Variants in ETS2 observed in about 807,000 individuals in gnomAD.
The protein encoded by ETS2 is protein C-ets-2.
ETS2 carries 19 observed loss-of-function variants against 54.9 expected under a neutral mutation model. The ratio of observed to expected loss-of-function variants is 0.35; its 90% CI spans 0.24 to 0.51. The LOEUF is 0.51. ETS2 is among the 20% of genes least tolerant of loss of function. ETS2 has a pLI of 0.97. For synonymous variants in ETS2, 219 were observed against 229.3 expected (o/e 0.95, Z 0.41); for missense variants, 417 against 593.0 (o/e 0.70, Z 3.08).
chr21:38,806,326 G>A lies in ETS2; in HGVS notation c.-1+206G>A. On this transcript the variant is annotated intron_variant, in intron 1 of 9. Coordinates refer to ENST00000360938, the MANE Select transcript of ETS2 (RefSeq NM_005239.6). This position sits in a 1 kb window ranked among gnomAD's most constrained non-coding sequence, Gnocchi z 4.3. Reference sequence around the variant, plus strand: ...CGGCTCGTTTTCCGGTTATGGAGTGGCCTCCGGGGCTGGCGGGGTCGGCCG... The same window carrying A: ...CGGCTCGTTTTCCGGTTATGGAGTGACCTCCGGGGCTGGCGGGGTCGGCCG... The A allele has an allele frequency of 2.1e-6, 2 of 957,384 alleles. No homozygotes were observed. Among genetic ancestry groups the A allele is most frequent in the Non-Finnish European group, 2.5e-6 (2 of 804,418 alleles). 59.3% of individuals were successfully genotyped at this position (957,384 alleles called of 1,614,324 possible).
chr21:38,816,325 G>T (rs909088293), intron 5 of ETS2, among the ~76,000 whole-genome samples: 2 of 151,926 alleles, frequency 1.3e-5, no homozygotes. Flanking sequence ...CATTTTTAAA[G>T]ACCCTCATTT....
Position 38,806,032 on chromosome 21 carries a change from C to T in ETS2, c.-89C>T. ...CTCCCTGATCGTCTCTGGCCGGCGC[C>T]CTCGCCCTCGCCCGGCGCGCACCGA... On this transcript the variant is annotated 5_prime_UTR_variant, in exon 1 of 10. Coordinates refer to ENST00000360938, the MANE Select transcript of ETS2 (RefSeq NM_005239.6). The surrounding 1 kb of genome is among the most constrained non-coding windows in gnomAD (Gnocchi z 4.3). 1 of 1,220,730 alleles carries T rather than the reference C, an allele frequency of 8.2e-7. No individual in the cohort carries two copies. The highest frequency in any genetic ancestry group is 1.0e-6 in the Non-Finnish European group (1 of 959,508). 75.6% of individuals were successfully genotyped at this position (1,220,730 alleles called of 1,614,324 possible).
chr21:38,814,245 A>C lies in ETS2; in HGVS notation c.185-28A>C. The C allele has an allele frequency of 6.2e-7, 1 of 1,611,322 alleles. No homozygotes were observed. The highest frequency in any genetic ancestry group is 8.5e-7 in the Non-Finnish European group (1 of 1,178,420). Reference sequence around the variant, plus strand: ...CCTGATATCACCAACTTGAAGTCCTAATGTCCCCATGGGGGGTTTCCTTCC... The same window carrying C: ...CCTGATATCACCAACTTGAAGTCCTCATGTCCCCATGGGGGGTTTCCTTCC... On this transcript the variant is annotated intron_variant, in intron 3 of 9. Transcript: ENST00000360938. This position sits in a 1 kb window ranked among gnomAD's most constrained non-coding sequence, Gnocchi z 4.2.
At chr21:38,813,737 C>G (rs1217807953) in intron 3 of ETS2, among the ~76,000 whole-genome samples, 2 of 152,244 alleles carry the variant, frequency 1.3e-5, no homozygotes, top group African/African-American at 4.8e-5. Flanking sequence ...AACGCATACA[C>G]TGGCGTAAGC....
rs1315660569 is a variant in ETS2 at position 38,813,122 on chromosome 21, G to T, written c.184+8G>T. On this transcript the variant is annotated splice_region_variant and intron_variant, in intron 3 of 9. Transcript: ENST00000360938. ...TGGATTCCATTTCTCATGGTAATTG[G>T]TTCCTCAGACTTGACAAATTGTGCA... The T allele has an allele frequency of 1.1e-5, 17 of 1,559,596 alleles. No individual in the cohort carries two copies. In the South Asian group the frequency reaches 1.8e-4, roughly 16 times the overall value.
chr21:38,821,686 G>A lies in ETS2; in HGVS notation c.1176G>A (p.Lys392=), dbSNP rs1322122408. 3 of 1,613,348 alleles carry A rather than the reference G, an allele frequency of 1.9e-6. No individual in the cohort carries two copies. Among genetic ancestry groups the A allele is most frequent in the Non-Finnish European group, 2.5e-6 (3 of 1,179,312 alleles). ...ISWTGDGWEF[K]LADPDEVARR... is the part of the protein sequence containing the mutation. ...GGACTGGAGACGGATGGGAGTTTAA[G>A]CTCGCCGACCCCGATGAGGTATGGC... The change falls in exon 9 of 10, where the codon AAG becomes AAA. Residue 392 remains lysine, a synonymous_variant. Coordinates refer to ENST00000360938, the MANE Select transcript of ETS2 (RefSeq NM_005239.6). The surrounding 1 kb of genome is among the most constrained non-coding windows in gnomAD (Gnocchi z 4.2).
intron 1 of ETS2, 98 bp from the exon 2 acceptor site, chr21:38,809,937 C>A: frequency 4.2e-6 from 3 of 712,304 alleles, no homozygotes; most frequent in Non-Finnish European, 6.9e-6. Context: ...TACCTGTTAG[C>A]TGTAGAACTC....
chr21:38,811,690 G>T (rs1230070737), intron 2 of ETS2, among the ~76,000 whole-genome samples: 1 of 152,172 alleles, frequency 6.6e-6, no homozygotes, highest in African/African-American at 2.4e-5. Context: ...TTTCATAAAT[G>T]TTATGTAAGA....
At position 38,822,780 on chromosome 21, in the gene ETS2, C is replaced by T. The variant is rs769911963; in HGVS notation, c.1301C>T (p.Ser434Leu). Residue 434 changes from serine (S) to leucine (L), a missense_variant, in exon 10 of 10, where the codon TCG becomes TTG. Ser to Leu is a moderately radical substitution (Grantham distance 145). Coordinates refer to ENST00000360938, the MANE Select transcript of ETS2 (RefSeq NM_005239.6). ...YYDKNIIHKT[S>L]GKRYVYRFVC... ...GACAAGAACATCATCCACAAGACGT[C>T]GGGGAAGCGCTACGTGTACCGCTTC... 6.2e-7 allele frequency: 1 copy of T among 1,614,206 alleles called. No homozygotes were observed. Among genetic ancestry groups the T allele is most frequent in the Non-Finnish European group, 8.5e-7 (1 of 1,180,036 alleles).
Position 38,806,143 on chromosome 21 carries a change from G to C in ETS2, c.-1+23G>C. 9.9e-7 allele frequency: 1 copy of C among 1,007,758 alleles called. No homozygotes were observed. Among genetic ancestry groups the C allele is most frequent in the Non-Finnish European group, 1.2e-6 (1 of 843,608 alleles). 62.4% of individuals were successfully genotyped at this position (1,007,758 alleles called of 1,614,324 possible). On this transcript the variant is annotated intron_variant, in intron 1 of 9. Coordinates refer to ENST00000360938, the MANE Select transcript of ETS2 (RefSeq NM_005239.6). The surrounding 1 kb of genome is among the most constrained non-coding windows in gnomAD (Gnocchi z 4.3). ...AGGGTAAGAGCTGGGCCCGCAGAGA[G>C]CGCCCGGCGCGCGGCTCCAGTCCCA...
At chr21:38,805,296 C>T (rs914330872), upstream of ETS2, 30 of 1,225,890 alleles carry the variant, frequency 2.4e-5, no homozygotes, top group Non-Finnish European at 3.0e-5. This position sits in a 1 kb window ranked among gnomAD's most constrained non-coding sequence, Gnocchi z 5.2. Context: ...CATTTGGAGC[C>T]TTTTTGTGAT....
In ETS2 at chr21:38,806,688, C is replaced by T. The variant is rs535247693; in HGVS notation, c.-1+568C>T. On this transcript the variant is annotated intron_variant, in intron 1 of 9. Transcript: ENST00000360938. This position sits in a 1 kb window ranked among gnomAD's most constrained non-coding sequence, Gnocchi z 4.3. ...GCCATGGTCACCTGCTCGCCGCGTC[C>T]AGGGCCCGGGCTGGGGACCCCTCGG... 1.7e-5 allele frequency: 17 copies of T among 985,460 alleles called. No homozygotes were observed. In the African/African-American group the frequency reaches 2.8e-4, roughly 16 times the overall value. The allele number at this position is 985,460 out of a possible 1,614,324, so 61.0% of individuals were successfully genotyped here. A position where few individuals can be genotyped will look rare whatever the true frequency, so the allele number is the denominator to read the frequency against.
In ETS2 at chr21:38,823,422, A is replaced by AAAT. The variant is rs1189957453; in HGVS notation, c.*537_*539dup. ...AACAGAAATTGTATATTGTAATTTA[A>AAAT]AATAATTATATAACTGTATTTGAAA... On this transcript the variant is annotated 3_prime_UTR_variant, in exon 10 of 10. Coordinates refer to ENST00000360938, the MANE Select transcript of ETS2 (RefSeq NM_005239.6). 1 of 152,670 alleles carries AAAT rather than the reference A, an allele frequency of 6.6e-6. No individual in the cohort carries two copies. The highest frequency in any genetic ancestry group is 2.4e-5 in the African/African-American group (1 of 41,470). 9.5% of individuals were successfully genotyped at this position (152,670 alleles called of 1,614,324 possible).
At position 38,814,423 on chromosome 21, in the gene ETS2, G is replaced by C. The variant is rs574998289; in HGVS notation, c.304+31G>C. 5 of 1,611,364 alleles carry C rather than the reference G, an allele frequency of 3.1e-6. No homozygotes were observed. The South Asian group carries it at 5.5e-5, about 18-fold the overall frequency. ...TACTGCTTTCCTGAGCCTGCACTGG[G>C]TGAGAAGAACCAACTTCAGTGCAGT... is the stretch of plus-strand genomic sequence containing the variant. On this transcript the variant is annotated intron_variant, in intron 4 of 9. Coordinates refer to ENST00000360938, the MANE Select transcript of ETS2 (RefSeq NM_005239.6). The surrounding 1 kb of genome is among the most constrained non-coding windows in gnomAD (Gnocchi z 4.2).
In ETS2 at chr21:38,814,648, A is replaced by G. The variant is rs761825667; in HGVS notation, c.305-133A>G. 1.4e-5 allele frequency: 12 copies of G among 855,562 alleles called. No homozygotes were observed. The highest frequency in any genetic ancestry group is 2.2e-5 in the Non-Finnish European group (12 of 542,686). 53.0% of individuals were successfully genotyped at this position (855,562 alleles called of 1,614,324 possible). A position where few individuals can be genotyped will look rare whatever the true frequency, so the allele number is the denominator to read the frequency against. ...GGTCGTGTCAGAATGGTGACGTGTCATCATGGTATCTTGCTCATTCGTGGG... is the reference window on the plus strand; with the variant it reads ...GGTCGTGTCAGAATGGTGACGTGTCGTCATGGTATCTTGCTCATTCGTGGG... On this transcript the variant is annotated intron_variant, in intron 4 of 9. Coordinates refer to ENST00000360938, the MANE Select transcript of ETS2 (RefSeq NM_005239.6). The surrounding 1 kb of genome is among the most constrained non-coding windows in gnomAD (Gnocchi z 4.2).
rs1269358590 is a variant in ETS2, at chr21:38,824,816, G to GT, written c.*1930dup. On this transcript the variant is annotated 3_prime_UTR_variant, in exon 10 of 10. Transcript: ENST00000360938. ...GCTGGCTTTTATCTACAAAGAAGGAGTTTCATGGGGTTCAGCCTAACAGTT... is the reference window on the plus strand; with the variant it reads ...GCTGGCTTTTATCTACAAAGAAGGAGTTTTCATGGGGTTCAGCCTAACAGTT... 1 of 152,608 alleles carries GT rather than the reference G, an allele frequency of 6.6e-6. No homozygotes were observed. The highest frequency in any genetic ancestry group is 1.5e-5 in the Non-Finnish European group (1 of 68,040). 9.5% of individuals were successfully genotyped at this position (152,608 alleles called of 1,614,324 possible).
chr21:38,805,707 T>A (rs2123400862), upstream of ETS2: 1 of 1,081,984 alleles, frequency 9.2e-7, no homozygotes, highest in East Asian at 6.5e-5. This position sits in a 1 kb window ranked among gnomAD's most constrained non-coding sequence, Gnocchi z 5.2. Context: ...CTCCTCTCCC[T>A]CCGCTCCCCC....
At position 38,819,724 on chromosome 21, in the gene ETS2, G is replaced by A; in HGVS notation, c.1033G>A (p.Gly345Ser). 1 of 1,613,946 alleles carries A rather than the reference G, an allele frequency of 6.2e-7. No homozygotes were observed. The highest frequency in any genetic ancestry group is 8.5e-7 in the Non-Finnish European group (1 of 1,179,936). Residue 345 changes from glycine to serine, a missense_variant, in exon 8 of 10, where the codon GGC becomes AGC. Transcript: ENST00000360938. ...IQERSDPVEQGKPVIPAAVLA... is the reference protein window; with the variant it reads ...IQERSDPVEQSKPVIPAAVLA... ...AGAGAGGAGTGACCCAGTGGAGCAAGGCAAACCAGTTATACCTGCAGCTGT... is the reference window on the plus strand; with the variant it reads ...AGAGAGGAGTGACCCAGTGGAGCAAAGCAAACCAGTTATACCTGCAGCTGT...
At chr21:38,815,059 T>A in intron 5 of ETS2, 78 bp downstream of exon 5, 2 of 1,440,442 alleles carry the variant, frequency 1.4e-6, no homozygotes, top group Admixed American at 1.7e-5. Context: ...GTCACGTGGG[T>A]GTTCTTCAAC....
Sources: gnomAD v4.1 joint callset for allele counts (sites outside exome capture counted in the v4.1 genomes callset) on GRCh38, gnomAD v4.1.1 for gene constraint, Gnocchi (gnomAD v3.1) non-coding constraint, MANE v1.5 for transcripts, NCBI Gene and HGNC (gene_info 2026-07-23, HGNC 2026-07-21) for gene names.